LARS2: variants seen among roughly 807,000 people sequenced by gnomAD.
The protein encoded by LARS2 is leucyl-tRNA synthetase 2, mitochondrial.
A neutral mutation model predicts 116.6 loss-of-function variants in LARS2; 81 were observed. The observed-to-expected ratio is 0.69, with a 90% CI of 0.58 to 0.84. LARS2 has a LOEUF of 0.84. LARS2 is among the 40% of genes least tolerant of loss of function. LARS2 has a pLI of 0.00. For synonymous variants in LARS2, 396 were observed against 407.2 expected (o/e 0.97, Z 0.33); for missense variants, 968 against 1,114.5 (o/e 0.87, Z 1.87).
Position 45,548,149 on chromosome 3 carries a change from C to T in LARS2, c.*619C>T, listed in dbSNP as rs953550635. ...AGGCAGGCAGTGCTGGTTCCTCTGC[C>T]TGTGTCCCCACCACTCCCCAGCTCT... is the stretch of plus-strand genomic sequence containing the variant. On this transcript the variant is annotated 3_prime_UTR_variant, in exon 22 of 22. Coordinates refer to ENST00000645846, the MANE Select transcript of LARS2 (RefSeq NM_015340.4). The T allele has an allele frequency of 6.6e-6, 1 of 152,306 alleles. No individual in the cohort carries two copies. Among genetic ancestry groups the T allele is most frequent in the Non-Finnish European group, 1.5e-5 (1 of 68,088 alleles). The allele number at this position is 152,306 out of a possible 1,614,324, so 9.4% of individuals were successfully genotyped here. A position where few individuals can be genotyped will look rare whatever the true frequency, so the allele number is the denominator to read the frequency against.
chr3:45,407,479 C>T (rs944990676), intron 4 of LARS2, among the ~76,000 whole-genome samples: 4 of 152,210 alleles, frequency 2.6e-5, no homozygotes, highest in Admixed American at 6.5e-5. Flanking sequence ...TCCACATTCC[C>T]AGAGGAGGTC....
intron 7 of LARS2, 99 bp downstream of exon 7, chr3:45,447,079 A>G (rs1266416586): frequency 2.9e-6 from 2 of 696,524 alleles, no homozygotes; most frequent in Non-Finnish European, 5.0e-6. Flanking sequence ...AGTTCATAAA[A>G]TCAGTCACAG....
intron 6 of LARS2, among the ~76,000 whole-genome samples, chr3:45,436,367 A>C (rs941765851): frequency 6.6e-6 from 1 of 151,890 alleles, no homozygotes; most frequent in Non-Finnish European, 1.5e-5. Flanking sequence ...AAACAAAAAC[A>C]GGGAACATTT....
intron 8 of LARS2, among the ~76,000 whole-genome samples, chr3:45,463,661 C>CT (rs1048842444): frequency 1.8e-4 from 27 of 152,110 alleles, no homozygotes; most frequent in African/African-American, 6.3e-4. Context: ...TCTCTGTGGT[C>CT]TGAATTCATT....
intron 8 of LARS2, among the ~76,000 whole-genome samples, chr3:45,460,484 T>C (rs1168399945): frequency 6.6e-6 from 1 of 152,224 alleles, no homozygotes; most frequent in Non-Finnish European, 1.5e-5. Flanking sequence ...TGTAATAACC[T>C]AACTGAGGAG....
rs570007081 is a variant in LARS2, at chr3:45,516,134, G to A, written c.1902G>A (p.Glu634=). The A allele has an allele frequency of 1.2e-6, 2 of 1,614,184 alleles. No individual in the cohort carries two copies. Among genetic ancestry groups the A allele is most frequent in the Admixed American group, 1.7e-5 (1 of 60,026 alleles). Residue 634 remains glutamate, a synonymous_variant, in exon 17 of 22, where the codon GAG becomes GAA. Coordinates refer to ENST00000645846, the MANE Select transcript of LARS2 (RefSeq NM_015340.4). The stretch of plus-strand genomic sequence containing the variant: ...ATGCAAAAACGAAAGAGAAGTTAGA[G>A]GTGACGTGGGAGAAGATGAGTAAGT... ...PVHAKTKEKL[E]VTWEKMSKSK...
At chr3:45,427,820 T>C (rs1170563535) in intron 6 of LARS2, among the ~76,000 whole-genome samples, 1 of 124,884 alleles carries the variant, frequency 8.0e-6, no homozygotes, top group East Asian at 2.0e-4. Context: ...GTTTTCCTTT[T>C]TTTTCTTTTT....
chr3:45,496,693 G>A (rs1161823676), intron 14 of LARS2, among the ~76,000 whole-genome samples: 2 of 152,226 alleles, frequency 1.3e-5, no homozygotes, highest in African/African-American at 2.4e-5. Flanking sequence ...AGGCTAAAAT[G>A]GCTCTGCTCC....
At chr3:45,466,826 CCTGCTTCAGCCTCCTGAGTAG>C (rs1699433068) in intron 8 of LARS2, among the ~76,000 whole-genome samples, 1 of 152,144 alleles carries the variant, frequency 6.6e-6, no homozygotes, top group Non-Finnish European at 1.5e-5. Flanking sequence ...AAGTGATTCT[CCTGCTTCAGCCTCCTGAGTAG>C]CTGGGATTAC....
chr3:45,542,389 A>G (rs924329684), intron 21 of LARS2, among the ~76,000 whole-genome samples: 2 of 152,236 alleles, frequency 1.3e-5, no homozygotes, highest in African/African-American at 2.4e-5. Context: ...GAAAGGCTCC[A>G]TAATTTTTAC....
chr3:45,484,640 T>TATATATATATATATATATAC (rs1241694718), intron 10 of LARS2, among the ~76,000 whole-genome samples: 1 of 83,066 alleles, frequency 1.2e-5, no homozygotes, highest in Non-Finnish European at 2.4e-5. Context: ...AATATATATA[T>TATATATATATATATATATAC]ATATATATTT....
intron 16 of LARS2, among the ~76,000 whole-genome samples, chr3:45,513,867 G>A (rs547565169): frequency 6.6e-6 from 1 of 152,288 alleles, no homozygotes; most frequent in South Asian, 2.1e-4. Context: ...TGGTGAGGAT[G>A]TATCACGTGC....
chr3:45,430,348 G>T (rs1196506887), intron 6 of LARS2, among the ~76,000 whole-genome samples: 1 of 147,186 alleles, frequency 6.8e-6, no homozygotes, highest in South Asian at 2.2e-4. Context: ...GCGTGATCAC[G>T]GCTCACTGCA....
chr3:45,525,265 T>C (rs1700516230), intron 20 of LARS2, among the ~76,000 whole-genome samples: 1 of 152,368 alleles, frequency 6.6e-6, no homozygotes, highest in African/African-American at 2.4e-5. Flanking sequence ...TTATTTCGCT[T>C]TCATTGTAAA....
intron 21 of LARS2, among the ~76,000 whole-genome samples, chr3:45,542,357 A>G (rs1335974593): frequency 6.6e-6 from 1 of 152,218 alleles, no homozygotes; most frequent in Non-Finnish European, 1.5e-5. Context: ...GCTATGGAGT[A>G]ATACCTGTAA....
intron 8 of LARS2, among the ~76,000 whole-genome samples, chr3:45,473,206 C>T (rs1699555977): frequency 6.6e-6 from 1 of 152,150 alleles, no homozygotes; most frequent in African/African-American, 2.4e-5. Flanking sequence ...CAATAACAAA[C>T]TTAGCAGTTA....
chr3:45,417,277 AT>A (rs1042313357), intron 4 of LARS2, among the ~76,000 whole-genome samples: 2 of 152,144 alleles, frequency 1.3e-5, no homozygotes, highest in Non-Finnish European at 2.9e-5. Flanking sequence ...GAGGTAACTT[AT>A]TGGTGCTTTG....
intron 14 of LARS2, among the ~76,000 whole-genome samples, chr3:45,499,746 A>C (rs531323694): frequency 6.6e-6 from 1 of 152,312 alleles, no homozygotes; most frequent in East Asian, 1.9e-4. Flanking sequence ...CTGACATCTC[A>C]ATTGTGTAAT....
intron 20 of LARS2, among the ~76,000 whole-genome samples, chr3:45,540,158 C>T (rs2125770587): frequency 6.6e-6 from 1 of 152,116 alleles, no homozygotes; most frequent in Admixed American, 6.5e-5. Context: ...ACTCAGGAGG[C>T]TGAGGCAGGA....
Sources: allele counts gnomAD v4.1 joint callset (sites outside exome capture counted in the v4.1 genomes callset), GRCh38; gene constraint gnomAD v4.1.1; transcripts MANE v1.5; gene names NCBI Gene and HGNC (gene_info 2026-07-23, HGNC 2026-07-21).